Variants in SLC37A3 observed in about 807,000 individuals in gnomAD.
The protein encoded by SLC37A3 is solute carrier family 37 member 3.
A neutral mutation model predicts 67.1 loss-of-function variants in SLC37A3; 51 were observed. The observed-to-expected ratio is 0.76, with a 90% CI of 0.61 to 0.96. The LOEUF (loss-of-function observed/expected upper bound fraction) is 0.96. SLC37A3 is among the 40% of genes least tolerant of loss of function. The probability of loss-of-function intolerance (pLI) is 0.00; values close to 1 mark genes in which losing one functional copy is unlikely to be tolerated. For missense variants in SLC37A3, 508 were observed against 603.0 expected (o/e 0.84, Z 1.65); for synonymous variants, 214 against 231.4 (o/e 0.92, Z 0.68).
chr7:140,345,829 AG>A (rs1422072418), intron 11 of SLC37A3, 39 bp downstream of exon 11: 2 of 1,468,804 alleles, frequency 1.4e-6, no homozygotes, highest in Non-Finnish European at 1.9e-6. Context: ...CAACCAGATT[AG>A]GGGAGCAAAG....
chr7:140,337,122 AG>A (rs753744072), intron 14 of SLC37A3, among the ~76,000 whole-genome samples, 161 bp downstream of exon 14: 4,505 of 136,732 alleles, frequency 0.033, 88 homozygotes, highest in Non-Finnish European at 0.049. Context: ...AAAAAAAAGA[AG>A]AAGAAGAAGA....
rs1011123926 is a variant in SLC37A3, at chr7:140,335,182, C to T, written c.*230G>A. The stretch of plus-strand genomic sequence containing the variant: ...GATGCTGGCAGAGTCAGAAGTCACT[C>T]GGCACATTCATGAAACAACAGCAAA... On this transcript the variant is annotated 3_prime_UTR_variant, in exon 15 of 15. Coordinates refer to ENST00000326232, the MANE Select transcript of SLC37A3 (RefSeq NM_207113.3). 5.9e-5 allele frequency: 93 copies of T among 1,563,462 alleles called. No individual in the cohort carries two copies. The highest frequency in any genetic ancestry group is 1.7e-4 in the Middle Eastern group (1 of 5,756).
rs1797510254 is a variant in SLC37A3 at position 140,364,302 on chromosome 7, A to C, written c.375+106T>G. ...AGTGAAAAGGCAAATGAGGGATTCGAACAATGAGGATTAATCTTACTATTC... is the reference window on the plus strand; with the variant it reads ...AGTGAAAAGGCAAATGAGGGATTCGCACAATGAGGATTAATCTTACTATTC... On this transcript the variant is annotated intron_variant, in intron 5 of 14. Coordinates refer to ENST00000326232, the MANE Select transcript of SLC37A3 (RefSeq NM_207113.3). The C allele has an allele frequency of 5.6e-6, 6 of 1,063,918 alleles. No individual in the cohort carries two copies. In the South Asian group the frequency reaches 1.0e-4, roughly 19 times the overall value. The allele number at this position is 1,063,918 out of a possible 1,614,324, so 65.9% of individuals were successfully genotyped here.
intron 1 of SLC37A3, among the ~76,000 whole-genome samples, chr7:140,397,093 G>T (rs1798963478): frequency 6.7e-6 from 1 of 148,176 alleles, no homozygotes; most frequent in Admixed American, 6.7e-5. Context: ...CCAGCTACTC[G>T]GGAGGCTGAG....
intron 10 of SLC37A3, 31 bp downstream of exon 10, chr7:140,348,591 CTCTT>C: frequency 1.9e-6 from 3 of 1,575,354 alleles, no homozygotes; most frequent in South Asian, 1.2e-5. Context: ...TAGTGACTAA[CTCTT>C]TATTATGGAA....
intron 13 of SLC37A3, among the ~76,000 whole-genome samples, chr7:140,339,550 C>T (rs1045389144): frequency 1.1e-3 from 174 of 152,122 alleles, no homozygotes; most frequent in African/African-American, 3.7e-3. Flanking sequence ...CATGAGCCAC[C>T]GCGCCCGGCC....
intron 5 of SLC37A3, among the ~76,000 whole-genome samples, chr7:140,362,792 G>T (rs1329409510): frequency 2.3e-5 from 2 of 86,706 alleles, no homozygotes; most frequent in South Asian, 5.1e-4. Flanking sequence ...TCAGCCCCCC[G>T]CCTGGCCAGC....
At chr7:140,344,577 G>A (rs1796480936) in intron 12 of SLC37A3, among the ~76,000 whole-genome samples, 1 of 152,132 alleles carries the variant, frequency 6.6e-6, no homozygotes, top group Non-Finnish European at 1.5e-5. Flanking sequence ...GCAACATGGT[G>A]AAACCATGTC....
chr7:140,361,465 A>G (rs1797270567), intron 5 of SLC37A3, among the ~76,000 whole-genome samples: 1 of 142,908 alleles, frequency 7.0e-6, no homozygotes, highest in Admixed American at 7.3e-5. Flanking sequence ...CTGGGCAACA[A>G]GAGCAAAACT....
chr7:140,351,821 C>T lies in SLC37A3; in HGVS notation c.703+241G>A, dbSNP rs913227038. 4 of 607,676 alleles carry T rather than the reference C, an allele frequency of 6.6e-6. No homozygotes were observed. The African/African-American group carries it at 7.4e-5, about 11-fold the overall frequency. The allele number at this position is 607,676 out of a possible 1,614,324, so 37.6% of individuals were successfully genotyped here. On this transcript the variant is annotated intron_variant, in intron 8 of 14. Transcript: ENST00000326232. Reference sequence around the variant, plus strand: ...GTGTCTCAATTATAAAAATAATTTGCAAATGCGAAGATTTTCCTGTATCTA... The same window carrying T: ...GTGTCTCAATTATAAAAATAATTTGTAAATGCGAAGATTTTCCTGTATCTA...
At chr7:140,347,370 C>T (rs1463002779) in intron 10 of SLC37A3, among the ~76,000 whole-genome samples, 1 of 151,816 alleles carries the variant, frequency 6.6e-6, no homozygotes, top group Non-Finnish European at 1.5e-5. Flanking sequence ...TTTCAAGCAA[C>T]AATGTCACAT....
At chr7:140,369,329 T>C (rs1797728445) in intron 4 of SLC37A3, among the ~76,000 whole-genome samples, 1 of 152,226 alleles carries the variant, frequency 6.6e-6, no homozygotes, top group South Asian at 2.1e-4. Flanking sequence ...CTGTCTCCCC[T>C]AACTCCAAGA....
chr7:140,387,522 C>T (rs893514255), intron 1 of SLC37A3, among the ~76,000 whole-genome samples: 10 of 146,690 alleles, frequency 6.8e-5, no homozygotes, highest in African/African-American at 2.3e-4. Context: ...GGTTGAGGCA[C>T]GAAAATCACT....
At chr7:140,347,758 CAAA>C (rs11436762) in intron 10 of SLC37A3, among the ~76,000 whole-genome samples, 1 of 139,474 alleles carries the variant, frequency 7.2e-6, no homozygotes. Context: ...CTAGCTACAG[CAAA>C]AAAAAAAAAA....
chr7:140,342,360 T>C (rs181281827), intron 13 of SLC37A3, among the ~76,000 whole-genome samples: 9 of 152,276 alleles, frequency 5.9e-5, no homozygotes, highest in Non-Finnish European at 1.3e-4. Flanking sequence ...TTCAGTTCTC[T>C]TTCTCCTGAC....
rs1382832345 is a variant in SLC37A3, at chr7:140,358,758, A to C, written c.403T>G (p.Trp135Gly). The C allele has an allele frequency of 1.2e-6, 2 of 1,614,192 alleles. No individual in the cohort carries two copies. Among genetic ancestry groups the C allele is most frequent in the Admixed American group, 3.3e-5 (2 of 60,012 alleles). The change falls in exon 6 of 15, where the codon TGG (tryptophan) becomes GGG (glycine). Residue 135 changes from tryptophan to glycine, a missense_variant. Trp to Gly is a radical substitution (Grantham distance 184, BLOSUM62 -2). Coordinates refer to ENST00000326232, the MANE Select transcript of SLC37A3 (RefSeq NM_207113.3). ...VVFVFGALTE[W>G]LRFYNKWLYC... ...AGCCATTTGTTGTAGAAACGCAGCC[A>C]TTCTGTGAGCGCACCAAAGACAAAC...
intron 3 of SLC37A3, among the ~76,000 whole-genome samples, chr7:140,375,340 TG>T (rs1235600956): frequency 1.3e-5 from 2 of 151,614 alleles, no homozygotes; most frequent in Non-Finnish European, 2.9e-5. Flanking sequence ...CCAGGCATGG[TG>T]ATGTGCACCT....
At chr7:140,378,625 T>C (rs1798123276) in intron 3 of SLC37A3, among the ~76,000 whole-genome samples, 1 of 151,672 alleles carries the variant, frequency 6.6e-6, no homozygotes, top group African/African-American at 2.4e-5. Context: ...TAGTCCCAGC[T>C]ACTCAGGAGG....
At chr7:140,380,155 T>C (rs927798187) in intron 3 of SLC37A3, 127 bp downstream of exon 3, 3 of 521,630 alleles carry the variant, frequency 5.8e-6, no homozygotes, top group Non-Finnish European at 1.0e-5. Context: ...TTGGCTCTTA[T>C]GTGATAGGAA....
Sources: allele counts gnomAD v4.1 joint callset (sites outside exome capture counted in the v4.1 genomes callset), GRCh38; gene constraint gnomAD v4.1.1; transcripts MANE v1.5; gene names NCBI Gene and HGNC (gene_info 2026-07-23, HGNC 2026-07-21).